Variants in DOCK4 observed in about 807,000 individuals in gnomAD.
The protein encoded by DOCK4 is dedicator of cytokinesis protein 4.
A neutral mutation model predicts 268.1 loss-of-function variants in DOCK4; 97 were observed. The ratio of observed to expected loss-of-function variants is 0.36; its 90% CI spans 0.31 to 0.43. DOCK4 has a LOEUF of 0.43. Among genes scored for constraint, DOCK4 ranks in the 20% least tolerant of loss-of-function variants. The pLI, the probability that DOCK4 is intolerant of heterozygous loss-of-function variation, is 1.00. For missense variants in DOCK4, 2,145 were observed against 2,455.7 expected, an observed-to-expected ratio of 0.87 and a Z score of 2.67; for synonymous variants, 954 against 887.2, an observed-to-expected ratio of 1.08 and a Z score of -1.34.
intron 1 of DOCK4, among the ~76,000 whole-genome samples, chr7:112,113,476 A>T (rs1030709323): frequency 6.6e-6 from 1 of 152,144 alleles, no homozygotes; most frequent in Non-Finnish European, 1.5e-5. Context: ...GTTTCTCTGT[A>T]TCTTACTCCA....
chr7:112,197,305 A>AT (rs1820535048), intron 1 of DOCK4, among the ~76,000 whole-genome samples: 1 of 152,084 alleles, frequency 6.6e-6, no homozygotes, highest in Admixed American at 6.6e-5. Flanking sequence ...CAAAAAAAAA[A>AT]AAAACTGTAT....
At chr7:111,868,251 T>G in intron 21 of DOCK4, 97 bp from the exon 22 acceptor site, 1 of 964,432 alleles carries the variant, frequency 1.0e-6, no homozygotes, top group East Asian at 2.7e-5. Context: ...GCATTAAACT[T>G]TTACATTATT....
chr7:111,944,424 C>T (rs144774447), intron 10 of DOCK4, among the ~76,000 whole-genome samples: 1 of 152,010 alleles, frequency 6.6e-6, no homozygotes, highest in Admixed American at 6.6e-5. Context: ...TTGGAAAATG[C>T]CAATTTATAC....
At chr7:112,028,678 G>A (rs1436659060) in intron 1 of DOCK4, among the ~76,000 whole-genome samples, 5 of 152,018 alleles carry the variant, frequency 3.3e-5, no homozygotes, top group Non-Finnish European at 5.9e-5. Context: ...GAACACTTCT[G>A]ATCATCATCT....
At chr7:112,072,982 A>C (rs1807738679) in intron 1 of DOCK4, among the ~76,000 whole-genome samples, 1 of 152,178 alleles carries the variant, frequency 6.6e-6, no homozygotes, top group African/African-American at 2.4e-5. Flanking sequence ...GCCCACCCCA[A>C]GGGAAGAATC....
chr7:111,783,939 T>A lies in DOCK4; in HGVS notation c.3442A>T (p.Ile1148Phe). Reference protein sequence around the residue: ...FGPYPSLLKKIERETWRESGV... With the variant: ...FGPYPSLLKKFERETWRESGV... The stretch of plus-strand genomic sequence containing the variant: ...CTTTCCCGCCATGTTTCCCGCTCAA[T>A]TTTCTTTAGTAGACTGGAAAAGAAA... Residue 1148 changes from isoleucine to phenylalanine, a missense_variant, in exon 34 of 53, where the codon ATT becomes TTT. By Grantham distance (21) the Ile-to-Phe change is conservative. Coordinates refer to ENST00000428084, the MANE Select transcript of DOCK4 (RefSeq NM_001363540.2). 6.2e-7 allele frequency: 1 copy of A among 1,604,240 alleles called. No homozygotes were observed. The highest frequency in any genetic ancestry group is 1.1e-5 in the South Asian group (1 of 89,012).
intron 39 of DOCK4, among the ~76,000 whole-genome samples, chr7:111,762,023 A>C (rs1254318573): frequency 1.3e-5 from 2 of 151,388 alleles, no homozygotes; most frequent in African/African-American, 4.9e-5. Context: ...ATATATTTTA[A>C]AACAAACAAT....
chr7:111,824,709 T>C (rs1324109229), intron 26 of DOCK4, among the ~76,000 whole-genome samples: 1 of 152,168 alleles, frequency 6.6e-6, no homozygotes, highest in African/African-American at 2.4e-5. Flanking sequence ...TTTGTAGTGC[T>C]GGGGACAAAG....
chr7:111,978,260 C>G (rs1411072123), intron 7 of DOCK4, among the ~76,000 whole-genome samples: 1 of 152,216 alleles, frequency 6.6e-6, no homozygotes, highest in Non-Finnish European at 1.5e-5. Context: ...GAGGCAGTAT[C>G]TTGCTCTACT....
chr7:111,768,372 T>C (rs1025403023), intron 37 of DOCK4, among the ~76,000 whole-genome samples: 5 of 152,200 alleles, frequency 3.3e-5, no homozygotes, highest in East Asian at 1.9e-4. Flanking sequence ...TCAGTGTACC[T>C]AGATAAATAA....
At chr7:111,861,100 T>C (rs1315790553) in intron 23 of DOCK4, among the ~76,000 whole-genome samples, 2 of 152,110 alleles carry the variant, frequency 1.3e-5, no homozygotes, top group African/African-American at 2.4e-5. Flanking sequence ...GGTGTTTGAG[T>C]TAAAGCAGGG....
intron 1 of DOCK4, among the ~76,000 whole-genome samples, chr7:112,027,892 C>T (rs540400819): frequency 5.3e-5 from 8 of 152,156 alleles, no homozygotes; most frequent in East Asian, 1.9e-4. Context: ...GTCTTTTTTC[C>T]GAACTCACAG....
At chr7:111,773,989 C>A (rs936249723) in intron 36 of DOCK4, among the ~76,000 whole-genome samples, 1 of 151,774 alleles carries the variant, frequency 6.6e-6, no homozygotes, top group Non-Finnish European at 1.5e-5. Flanking sequence ...TACATTCCAG[C>A]CTGGGTGACA....
chr7:112,143,233 T>C (rs575705696), intron 1 of DOCK4, among the ~76,000 whole-genome samples: 7 of 151,952 alleles, frequency 4.6e-5, no homozygotes, highest in East Asian at 1.9e-4. Flanking sequence ...GGCTGAATCC[T>C]AGACACAGAC....
At chr7:112,088,102 C>T (rs1364256665) in intron 1 of DOCK4, among the ~76,000 whole-genome samples, 2 of 152,056 alleles carry the variant, frequency 1.3e-5, no homozygotes, top group East Asian at 1.9e-4. Flanking sequence ...TATGAGACCT[C>T]GCATGCAGAC....
chr7:112,060,387 T>C (rs549998152), intron 1 of DOCK4, among the ~76,000 whole-genome samples: 1 of 152,262 alleles, frequency 6.6e-6, no homozygotes, highest in East Asian at 1.9e-4. Flanking sequence ...TAAAATGGTA[T>C]AAAGTTCTCT....
intron 13 of DOCK4, among the ~76,000 whole-genome samples, chr7:111,912,549 T>C (rs1792198096): frequency 6.6e-6 from 1 of 151,966 alleles, no homozygotes; most frequent in Non-Finnish European, 1.5e-5. Context: ...TAAGCCACAA[T>C]AACCTGTGTA....
At chr7:111,932,391 C>A (rs978159752) in intron 12 of DOCK4, among the ~76,000 whole-genome samples, 1 of 152,084 alleles carries the variant, frequency 6.6e-6, no homozygotes, top group African/African-American at 2.4e-5. Flanking sequence ...ATTAAGGTAA[C>A]AGGACGCATA....
At chr7:112,161,795 G>A (rs901649104) in intron 1 of DOCK4, among the ~76,000 whole-genome samples, 1 of 152,132 alleles carries the variant, frequency 6.6e-6, no homozygotes, top group Non-Finnish European at 1.5e-5. Context: ...GGTTAATGTG[G>A]CATAACAAAA....
Sources: gnomAD v4.1 joint callset for allele counts (sites outside exome capture counted in the v4.1 genomes callset) on GRCh38, gnomAD v4.1.1 for gene constraint, MANE v1.5 for transcripts, NCBI Gene and HGNC (gene_info 2026-07-23, HGNC 2026-07-21) for gene names.